The following RFX3 variants were observed in gnomAD, a reference collection of about 807,000 sequenced individuals.
RFX3 encodes the protein regulatory factor X3.
In RFX3, 14 loss-of-function variants were observed where a neutral mutation model predicts 98.6. The observed-to-expected ratio is 0.14, with a 90% CI of 0.09 to 0.22. The LOEUF is 0.22. Ranked by LOEUF, RFX3 falls within the 10% of genes least tolerant of loss-of-function variation. The pLI is 1.00. For missense variants in RFX3, 639 were observed against 926.9 expected, an observed-to-expected ratio of 0.69 and a Z score of 4.03; for synonymous variants, 383 against 328.4, an observed-to-expected ratio of 1.17 and a Z score of -1.80.
At chr9:3,473,393 T>G (rs936481862) in intron 1 of RFX3, among the ~76,000 whole-genome samples, 8 of 152,132 alleles carry the variant, frequency 5.3e-5, no homozygotes, top group Middle Eastern at 3.2e-3. Context: ...AAAACATATT[T>G]CTAACTCTGG....
At chr9:3,265,900 T>C (rs1823571688) in intron 12 of RFX3, among the ~76,000 whole-genome samples, 1 of 152,138 alleles carries the variant, frequency 6.6e-6, no homozygotes, top group Non-Finnish European at 1.5e-5. Flanking sequence ...TAAACATTTA[T>C]AGTTTATATC....
At chr9:3,476,226 A>G (rs1227137292) in intron 1 of RFX3, among the ~76,000 whole-genome samples, 1 of 151,182 alleles carries the variant, frequency 6.6e-6, no homozygotes, top group South Asian at 2.1e-4. Context: ...AATCATGTCT[A>G]TGTAGATCTA....
In RFX3 at chr9:3,256,019, T is replaced by C. The variant is rs935107383; in HGVS notation, c.1814+972A>G. Among the ~76,000 whole-genome samples the C allele has an allele frequency of 2.0e-5, 3 of 152,114 alleles. No individual in the cohort carries two copies. In the East Asian group the frequency reaches 5.8e-4, roughly 29 times the overall value. ...TCTCGCTCTGTCGCCTAGGCTGGAG[T>C]GCAGTGGCATGATCTCGGCTCACTG... is the stretch of plus-strand genomic sequence containing the variant. On this transcript the variant is annotated intron_variant, in intron 14 of 16. Transcript: ENST00000617270.
chr9:3,444,200 T>C (rs1178552909), intron 1 of RFX3, among the ~76,000 whole-genome samples: 1 of 152,204 alleles, frequency 6.6e-6, no homozygotes, highest in African/African-American at 2.4e-5. Flanking sequence ...CTCATTGTGG[T>C]ATATCCATGT....
intron 1 of RFX3, among the ~76,000 whole-genome samples, chr9:3,460,418 T>C (rs1378647226): frequency 6.6e-6 from 1 of 151,996 alleles, no homozygotes; most frequent in Non-Finnish European, 1.5e-5. Flanking sequence ...CAACATCACA[T>C]AATAGATTTA....
chr9:3,516,042 A>T (rs550167613), intron 1 of RFX3, among the ~76,000 whole-genome samples: 1 of 152,020 alleles, frequency 6.6e-6, no homozygotes, highest in East Asian at 1.9e-4. Flanking sequence ...GTAGTATTAA[A>T]GTAAAAAAAA....
chr9:3,399,996 T>C (rs770952810), intron 1 of RFX3, among the ~76,000 whole-genome samples: 2 of 151,624 alleles, frequency 1.3e-5, no homozygotes, highest in Non-Finnish European at 1.5e-5. Context: ...ACAATATTGA[T>C]GACATTTATA....
intron 1 of RFX3, among the ~76,000 whole-genome samples, chr9:3,495,130 T>A (rs993008416): frequency 3.3e-5 from 5 of 151,694 alleles, no homozygotes; most frequent in African/African-American, 9.7e-5. Flanking sequence ...ATATATATAT[T>A]ATACTTTCCC....
intron 2 of RFX3, among the ~76,000 whole-genome samples, chr9:3,351,662 G>C (rs536112703): frequency 1.3e-4 from 19 of 151,992 alleles, no homozygotes; most frequent in Admixed American, 1.2e-3. Flanking sequence ...AGGTGGGTGG[G>C]TCACAAAATT....
intron 15 of RFX3, 60 bp from the exon 16 acceptor site, chr9:3,228,949 A>T: frequency 6.9e-7 from 1 of 1,444,178 alleles, no homozygotes; most frequent in Admixed American, 2.0e-5. Flanking sequence ...ATAATACTCT[A>T]TCAGTCTGTA....
At chr9:3,246,965 G>A in intron 15 of RFX3, 1 of 648,012 alleles carries the variant, frequency 1.5e-6, no homozygotes, top group Non-Finnish European at 1.9e-6. Context: ...ATATTAGGGA[G>A]GTCCTTGAAG....
At chr9:3,339,929 G>C (rs964099084) in intron 3 of RFX3, among the ~76,000 whole-genome samples, 6 of 151,910 alleles carry the variant, frequency 3.9e-5, no homozygotes, top group African/African-American at 1.2e-4. Flanking sequence ...AACCAAAAAA[G>C]AGCCCACATT....
At chr9:3,287,115 G>C (rs764097401) in intron 7 of RFX3, among the ~76,000 whole-genome samples, 1 of 151,714 alleles carries the variant, frequency 6.6e-6, no homozygotes, top group African/African-American at 2.4e-5. Context: ...TCTTATCTCT[G>C]CATGCAGGGC....
chr9:3,491,626 A>G (rs1850724222), intron 1 of RFX3, among the ~76,000 whole-genome samples: 1 of 152,198 alleles, frequency 6.6e-6, no homozygotes, highest in Admixed American at 6.5e-5. Context: ...CTTTCCAAAT[A>G]GGTTACAAAT....
At chr9:3,522,956 C>T (rs1818865590) in intron 1 of RFX3, among the ~76,000 whole-genome samples, 1 of 152,044 alleles carries the variant, frequency 6.6e-6, no homozygotes, top group Admixed American at 6.6e-5. Flanking sequence ...AAGCAGAGTA[C>T]AAGACTATTT....
intron 1 of RFX3, among the ~76,000 whole-genome samples, chr9:3,484,147 A>G (rs552030502): frequency 6.6e-6 from 1 of 152,224 alleles, no homozygotes; most frequent in Admixed American, 6.5e-5. Context: ...CAGGTTTTTC[A>G]GCCAAATTAG....
intron 2 of RFX3, among the ~76,000 whole-genome samples, chr9:3,361,557 T>C (rs16917392): frequency 0.049 from 7,268 of 149,774 alleles, 519 homozygotes; most frequent in African/African-American, 0.15. Context: ...TTTGGGAGGC[T>C]ACGGTATTCA....
intron 1 of RFX3, among the ~76,000 whole-genome samples, chr9:3,524,827 G>GCACACACACACACACACA (rs34119220): frequency 1.6e-5 from 2 of 128,224 alleles, no homozygotes; most frequent in East Asian, 3.3e-4. Flanking sequence ...TAAATCACAA[G>GCACACACACACACACACA]CACACACACA....
Position 3,360,856 on chromosome 9 carries a change from C to G in RFX3, c.118-14092G>C, listed in dbSNP as rs147135247. On this transcript the variant is annotated intron_variant, in intron 2 of 16. Coordinates refer to ENST00000617270, the MANE Select transcript of RFX3 (RefSeq NM_001282116.2). ...AAGAAAAATAAAATGAATCACACCT[C>G]AAAACAGAAATCCTTTTCAATAGTA... Among the ~76,000 whole-genome samples the G allele has an allele frequency of 5.9e-3, 895 of 152,170 alleles. 18 individuals carry two copies. The highest frequency in any genetic ancestry group is 4.2e-3 in the Non-Finnish European group (287 of 67,992).
Sources: gnomAD v4.1 joint callset for allele counts (sites outside exome capture counted in the v4.1 genomes callset) on GRCh38, gnomAD v4.1.1 for gene constraint, MANE v1.5 for transcripts, NCBI Gene and HGNC (gene_info 2026-07-23, HGNC 2026-07-21) for gene names.